ASIC2: variants seen among roughly 807,000 people sequenced by gnomAD.
The protein encoded by ASIC2 is acid sensing ion channel subunit 2.
Under a neutral mutation model 57.3 loss-of-function variants are expected in ASIC2, and 25 were observed. That is an observed-to-expected ratio of 0.44 (90% CI 0.32 to 0.61). The LOEUF is 0.61. Ranked by LOEUF, ASIC2 falls within the 20% of genes least tolerant of loss-of-function variation. The pLI, the probability that ASIC2 is intolerant of heterozygous loss-of-function variation, is 0.06. For synonymous variants in ASIC2, 319 were observed against 307.5 expected, an observed-to-expected ratio of 1.04 and a Z score of -0.39; for missense variants, 641 against 738.1, an observed-to-expected ratio of 0.87 and a Z score of 1.52.
chr17:33,772,571 A>G (rs1911144697), intron 1 of ASIC2, among the ~76,000 whole-genome samples: 1 of 152,196 alleles, frequency 6.6e-6, no homozygotes, highest in African/African-American at 2.4e-5. Context: ...TATGTATACT[A>G]TGTATTATGT....
chr17:33,594,360 G>C (rs1398968329), intron 1 of ASIC2, among the ~76,000 whole-genome samples: 1 of 152,258 alleles, frequency 6.6e-6, no homozygotes, highest in Non-Finnish European at 1.5e-5. Flanking sequence ...TCAGGTGCAA[G>C]TCTGAAGTGA....
chr17:33,320,090 T>C (rs184736821), intron 1 of ASIC2, among the ~76,000 whole-genome samples: 1 of 152,150 alleles, frequency 6.6e-6, no homozygotes, highest in African/African-American at 2.4e-5. Context: ...AAGCAGGAGT[T>C]AATAGAAGCC....
intron 1 of ASIC2, among the ~76,000 whole-genome samples, chr17:33,420,230 C>G (rs1910998698): frequency 6.6e-6 from 1 of 152,176 alleles, no homozygotes; most frequent in Admixed American, 6.5e-5. Flanking sequence ...ATTCTGTTAG[C>G]CCACTTTGGG....
At chr17:33,360,316 G>T (rs1235828875) in intron 1 of ASIC2, among the ~76,000 whole-genome samples, 1 of 152,204 alleles carries the variant, frequency 6.6e-6, no homozygotes, top group Non-Finnish European at 1.5e-5. Flanking sequence ...GAATTTGAAT[G>T]ACTGAATGTT....
chr17:33,720,887 G>T (rs1909369477), intron 1 of ASIC2, among the ~76,000 whole-genome samples: 1 of 152,170 alleles, frequency 6.6e-6, no homozygotes, highest in Admixed American at 6.5e-5. Flanking sequence ...GTCCATCAAA[G>T]TCTGATCCAG....
At chr17:34,144,748 C>T (rs575015961) in intron 1 of ASIC2, among the ~76,000 whole-genome samples, 20 of 152,306 alleles carry the variant, frequency 1.3e-4, no homozygotes, top group South Asian at 2.1e-4. Flanking sequence ...GATTGTACCA[C>T]GAGGCCAAAA....
intron 1 of ASIC2, among the ~76,000 whole-genome samples, chr17:33,579,191 C>T (rs893774984): frequency 1.3e-5 from 2 of 150,242 alleles, no homozygotes; most frequent in East Asian, 1.9e-4. Flanking sequence ...GAGGCTGAGG[C>T]AGGAGAATCG....
chr17:33,031,342 G>A (rs918764750), intron 3 of ASIC2, among the ~76,000 whole-genome samples: 33 of 152,202 alleles, frequency 2.2e-4, no homozygotes, highest in South Asian at 6.2e-4. Context: ...TTTAATGTCT[G>A]TAGGATTTAC....
At chr17:33,438,044 T>C (rs1284260315) in intron 1 of ASIC2, among the ~76,000 whole-genome samples, 1 of 152,212 alleles carries the variant, frequency 6.6e-6, no homozygotes, top group African/African-American at 2.4e-5. Flanking sequence ...ATTTTATTTC[T>C]AACCAGAAGC....
chr17:33,595,040 C>T (rs988651592), intron 1 of ASIC2, among the ~76,000 whole-genome samples: 1 of 151,858 alleles, frequency 6.6e-6, no homozygotes, highest in African/African-American at 2.4e-5. Context: ...GGAAACATAG[C>T]GAGACGTTAT....
intron 1 of ASIC2, among the ~76,000 whole-genome samples, chr17:34,120,722 C>CTTTTTTTTTTTTTTT (rs142959293): frequency 2.1e-5 from 2 of 94,624 alleles, no homozygotes; most frequent in Non-Finnish European, 3.9e-5. Flanking sequence ...TGGGGTCCTT[C>CTTTTTTTTTTTTTTT]TTTTTTTTTT....
intron 1 of ASIC2, among the ~76,000 whole-genome samples, chr17:33,960,286 T>G (rs113208081): frequency 1.6e-4 from 25 of 152,276 alleles, no homozygotes; most frequent in African/African-American, 5.8e-4. Flanking sequence ...ACCCAAGAGA[T>G]GGAGAGGGAC....
intron 1 of ASIC2, among the ~76,000 whole-genome samples, chr17:33,939,946 C>T (rs1197044865): frequency 1.3e-5 from 2 of 152,090 alleles, no homozygotes; most frequent in Non-Finnish European, 2.9e-5. Context: ...GCCAGGGTAT[C>T]GGTCATCTCA....
intron 1 of ASIC2, among the ~76,000 whole-genome samples, chr17:33,884,981 A>C (rs1475386441): frequency 6.6e-6 from 1 of 152,202 alleles, no homozygotes; most frequent in East Asian, 1.9e-4. Flanking sequence ...AAGATTTTAT[A>C]ATCACAACCA....
At chr17:33,590,904 A>T (rs1904805309) in intron 1 of ASIC2, among the ~76,000 whole-genome samples, 1 of 152,174 alleles carries the variant, frequency 6.6e-6, no homozygotes, top group Admixed American at 6.5e-5. Flanking sequence ...GATTTCAAAC[A>T]TCTAAACCAT....
intron 1 of ASIC2, among the ~76,000 whole-genome samples, chr17:33,839,269 A>G (rs2141906726): frequency 6.6e-6 from 1 of 152,350 alleles, no homozygotes; most frequent in African/African-American, 2.4e-5. Context: ...TGACAGAAGC[A>G]GATGCTTCAG....
At chr17:33,631,834 AG>A (rs1421395027) in intron 1 of ASIC2, among the ~76,000 whole-genome samples, 1 of 152,150 alleles carries the variant, frequency 6.6e-6, no homozygotes, top group Non-Finnish European at 1.5e-5. Flanking sequence ...TTATTGTCTG[AG>A]GGGGACTTGA....
intron 1 of ASIC2, among the ~76,000 whole-genome samples, chr17:33,574,740 C>G (rs1368648654): frequency 6.6e-6 from 1 of 152,086 alleles, no homozygotes; most frequent in Admixed American, 6.6e-5. Flanking sequence ...TATTCTAGGA[C>G]AGTCAATAGA....
intron 1 of ASIC2, among the ~76,000 whole-genome samples, chr17:33,144,353 C>G (rs540723290): frequency 4.0e-5 from 6 of 151,480 alleles, no homozygotes; most frequent in East Asian, 1.9e-4. Context: ...AGAGAGAGAG[C>G]GGGTGGGATA....
Sources: allele counts gnomAD v4.1 joint callset (sites outside exome capture counted in the v4.1 genomes callset), GRCh38; gene constraint gnomAD v4.1.1; transcripts MANE v1.5; gene names NCBI Gene and HGNC (gene_info 2026-07-23, HGNC 2026-07-21).